The following CPPED1 variants were observed in gnomAD, a reference collection of about 807,000 sequenced individuals.
CPPED1 encodes the protein serine/threonine-protein phosphatase CPPED1.
Under a neutral mutation model 28.0 loss-of-function variants are expected in CPPED1, and 28 were observed. The observed-to-expected ratio is 1.00, with a 90% CI of 0.74 to 1.37. The LOEUF is 1.37. CPPED1 is among the 40% of genes most tolerant of loss of function. The pLI is 0.00. For synonymous variants in CPPED1, 198 were observed against 180.2 expected (o/e 1.10, Z -0.79); for missense variants, 504 against 416.5 (o/e 1.21, Z -1.83).
At chr16:12,767,400 C>G (rs893391479) in intron 2 of CPPED1, among the ~76,000 whole-genome samples, 2 of 152,096 alleles carry the variant, frequency 1.3e-5, no homozygotes, top group African/African-American at 4.8e-5. Context: ...ATTCAGTCAC[C>G]CTCACGAACA....
chr16:12,728,911 C>A (rs148896212), intron 2 of CPPED1, among the ~76,000 whole-genome samples: 1 of 152,132 alleles, frequency 6.6e-6, no homozygotes, highest in Non-Finnish European at 1.5e-5. Flanking sequence ...AGAGGACAAA[C>A]GGTGAGCTCA....
In CPPED1 at chr16:12,792,072, C is replaced by A. The variant is rs1048987323; in HGVS notation, c.71-10669G>T. On this transcript the variant is annotated intron_variant, in intron 1 of 3. Coordinates refer to ENST00000381774, the MANE Select transcript of CPPED1 (RefSeq NM_018340.3). ...GTTCAAGCAATTCTCCTGCCTCAGC[C>A]TCCTGAACAACTGAGATTACAGGAG... Among the ~76,000 whole-genome samples, 7 of 152,280 alleles carry A rather than the reference C, an allele frequency of 4.6e-5. No individual in the cohort carries two copies. The East Asian group carries it at 5.8e-4, about 13-fold the overall frequency.
chr16:12,779,475 G>C (rs1222147028), intron 2 of CPPED1, among the ~76,000 whole-genome samples: 1 of 151,560 alleles, frequency 6.6e-6, no homozygotes, highest in East Asian at 1.9e-4. Context: ...TGCAATCTCT[G>C]CCTCCCGAGT....
intron 2 of CPPED1, among the ~76,000 whole-genome samples, chr16:12,747,360 A>C (rs1322364963): frequency 1.3e-5 from 2 of 152,014 alleles, no homozygotes; most frequent in African/African-American, 2.4e-5. Flanking sequence ...TGAGCCTGAC[A>C]GGGTGATGCT....
chr16:12,693,851 T>C (rs899183475), intron 3 of CPPED1, among the ~76,000 whole-genome samples: 3 of 152,242 alleles, frequency 2.0e-5, no homozygotes, highest in Non-Finnish European at 4.4e-5. Context: ...CAGACACTGC[T>C]GTTCCCCATG....
At chr16:12,686,948 T>G (rs899483059) in intron 3 of CPPED1, among the ~76,000 whole-genome samples, 1 of 152,182 alleles carries the variant, frequency 6.6e-6, no homozygotes, top group South Asian at 2.1e-4. Flanking sequence ...GGTGACTGAT[T>G]CAGTACGTAC....
At chr16:12,768,867 CTTT>C (rs35322378) in intron 2 of CPPED1, among the ~76,000 whole-genome samples, 2 of 138,026 alleles carry the variant, frequency 1.4e-5, no homozygotes, top group Non-Finnish European at 1.6e-5. Context: ...TTTTCTTTTT[CTTT>C]TTTTTTTTTT....
chr16:12,729,671 G>A (rs1030973501), intron 2 of CPPED1, among the ~76,000 whole-genome samples: 1 of 152,166 alleles, frequency 6.6e-6, no homozygotes, highest in Non-Finnish European at 1.5e-5. Context: ...GACTGAGAGA[G>A]CTAAAAAGCC....
At chr16:12,782,896 A>C (rs1234818886) in intron 1 of CPPED1, among the ~76,000 whole-genome samples, 2 of 152,002 alleles carry the variant, frequency 1.3e-5, no homozygotes, top group African/African-American at 2.4e-5. Flanking sequence ...AATTTAATGG[A>C]CAATGCATGT....
chr16:12,732,467 AACACACAAACACACAC>A (rs2080203972), intron 2 of CPPED1, among the ~76,000 whole-genome samples: 2 of 121,878 alleles, frequency 1.6e-5, no homozygotes, highest in Admixed American at 9.2e-5. Context: ...CACACACACA[AACACACAAACACACAC>A]ACACACAGAT....
At chr16:12,728,285 T>G (rs2141203267) in intron 2 of CPPED1, among the ~76,000 whole-genome samples, 1 of 152,190 alleles carries the variant, frequency 6.6e-6, no homozygotes, top group Admixed American at 6.5e-5. Flanking sequence ...TAAATGCCTT[T>G]GATTAGAGGG....
At chr16:12,699,032 G>A (rs1218443688) in intron 3 of CPPED1, among the ~76,000 whole-genome samples, 7 of 152,096 alleles carry the variant, frequency 4.6e-5, no homozygotes, top group Non-Finnish European at 1.0e-4. Context: ...CTTCTAAATT[G>A]GAATCAATAT....
intron 3 of CPPED1, among the ~76,000 whole-genome samples, chr16:12,685,990 G>T (rs1218223548): frequency 6.6e-6 from 1 of 152,224 alleles, no homozygotes; most frequent in Non-Finnish European, 1.5e-5. Flanking sequence ...AGCACAGCGG[G>T]TGTGCAGAGA....
chr16:12,725,346 G>C (rs1430489207), intron 2 of CPPED1, among the ~76,000 whole-genome samples: 2 of 152,198 alleles, frequency 1.3e-5, no homozygotes, highest in South Asian at 4.1e-4. Flanking sequence ...CTGGCTAACT[G>C]TAATCCCAAA....
At chr16:12,718,401 T>C (rs2080118887) in intron 2 of CPPED1, among the ~76,000 whole-genome samples, 1 of 151,884 alleles carries the variant, frequency 6.6e-6, no homozygotes, top group Non-Finnish European at 1.5e-5. Flanking sequence ...TAGCTGGGCC[T>C]GGTGGCAGGT....
At chr16:12,685,602 T>C (rs1159746911) in intron 3 of CPPED1, among the ~76,000 whole-genome samples, 2 of 152,126 alleles carry the variant, frequency 1.3e-5, no homozygotes, top group Non-Finnish European at 2.9e-5. Flanking sequence ...GTTTGAAACA[T>C]AGTGTGGACA....
intron 3 of CPPED1, among the ~76,000 whole-genome samples, chr16:12,668,821 T>C (rs2079839433): frequency 1.3e-5 from 2 of 152,216 alleles, no homozygotes; most frequent in African/African-American, 4.8e-5. Flanking sequence ...ATGAAAGAGA[T>C]GGAAAGCAAC....
intron 2 of CPPED1, among the ~76,000 whole-genome samples, chr16:12,779,294 C>G (rs1473168466): frequency 6.6e-6 from 1 of 152,110 alleles, no homozygotes; most frequent in African/African-American, 2.4e-5. Flanking sequence ...TCATGGCTCA[C>G]TGTAGCCTCA....
chr16:12,666,333 CG>C (rs769300005), intron 3 of CPPED1, among the ~76,000 whole-genome samples: 1 of 151,956 alleles, frequency 6.6e-6, no homozygotes, highest in Non-Finnish European at 1.5e-5. Context: ...AAAATGTCAC[CG>C]GGAGTTCAGC....
Sources: allele counts gnomAD v4.1 joint callset (sites outside exome capture counted in the v4.1 genomes callset), GRCh38; gene constraint gnomAD v4.1.1; transcripts MANE v1.5; gene names NCBI Gene and HGNC (gene_info 2026-07-23, HGNC 2026-07-21).